The following PCDH15 variants were observed in gnomAD, a reference collection of about 807,000 sequenced individuals.
The protein encoded by PCDH15 is protocadherin related 15.
Under a neutral mutation model 178.5 loss-of-function variants are expected in PCDH15, and 129 were observed. The observed-to-expected ratio is 0.72, with a 90% CI of 0.63 to 0.84. The LOEUF (loss-of-function observed/expected upper bound fraction) is 0.84. PCDH15 is among the 40% of genes least tolerant of loss of function. The probability of loss-of-function intolerance (pLI) is 0.00; values close to 1 mark genes in which losing one functional copy is unlikely to be tolerated. For missense variants in PCDH15, 2,230 were observed against 2,099.9 expected (o/e 1.06, Z -1.21); for synonymous variants, 800 against 732.0 (o/e 1.09, Z -1.50).
intron 3 of PCDH15, among the ~76,000 whole-genome samples, chr10:54,401,690 T>G (rs1951954789): frequency 6.6e-6 from 1 of 151,910 alleles, no homozygotes; most frequent in African/African-American, 2.4e-5. Context: ...TTAAGGATGC[T>G]AAAATCTCCT....
At chr10:54,733,030 T>A (rs1280588719) in intron 1 of PCDH15, among the ~76,000 whole-genome samples, 1 of 151,600 alleles carries the variant, frequency 6.6e-6, no homozygotes. Context: ...TGATAGAGTT[T>A]GTCTACGAAA....
intron 1 of PCDH15, among the ~76,000 whole-genome samples, chr10:55,273,228 A>AT (rs915733620): frequency 1.4e-4 from 22 of 152,180 alleles, no homozygotes; most frequent in African/African-American, 5.3e-4. Context: ...CAATGACTTA[A>AT]TTTTTTTACA....
chr10:53,969,081 A>G (rs2089373867), intron 21 of PCDH15, among the ~76,000 whole-genome samples: 1 of 152,174 alleles, frequency 6.6e-6, no homozygotes, highest in East Asian at 1.9e-4. Flanking sequence ...GGATGTTTGA[A>G]CCCACCACAA....
At chr10:54,830,401 G>C (rs113803953) in intron 3 of PCDH15, among the ~76,000 whole-genome samples, 1 of 152,086 alleles carries the variant, frequency 6.6e-6, no homozygotes, top group African/African-American at 2.4e-5. Flanking sequence ...ATACTATGCC[G>C]CCATAAAAAA....
rs950142027 is a variant in PCDH15 at position 54,289,010 on chromosome 10, T to C, written c.876+28261A>G. ...CTGTCTGACGCTCTGAAGAGAGCAGTTGTTCTCCCAGCATGGCATTTGGGA... is the reference window on the plus strand; with the variant it reads ...CTGTCTGACGCTCTGAAGAGAGCAGCTGTTCTCCCAGCATGGCATTTGGGA... On this transcript the variant is annotated intron_variant, in intron 8 of 37. Transcript: ENST00000644397. Among the ~76,000 whole-genome samples, 5 of 152,374 alleles carry C rather than the reference T, an allele frequency of 3.3e-5. No individual in the cohort carries two copies. The South Asian group carries it at 6.2e-4, about 19-fold the overall frequency.
chr10:54,115,437 C>T (rs2095096578), intron 15 of PCDH15, among the ~76,000 whole-genome samples: 1 of 152,164 alleles, frequency 6.6e-6, no homozygotes, highest in South Asian at 2.1e-4. Flanking sequence ...GGGATTATTC[C>T]CTTATACATT....
intron 2 of PCDH15, among the ~76,000 whole-genome samples, chr10:54,645,593 G>C (rs1009984146): frequency 6.6e-6 from 1 of 152,106 alleles, no homozygotes; most frequent in Non-Finnish European, 1.5e-5. Flanking sequence ...TCAAAGACAA[G>C]ATGGACAGAA....
At chr10:54,797,026 T>C (rs1952097654) in intron 1 of PCDH15, among the ~76,000 whole-genome samples, 1 of 151,958 alleles carries the variant, frequency 6.6e-6, no homozygotes, top group South Asian at 2.1e-4. Context: ...AGGGAGAGCA[T>C]TCATTAGCTG....
At chr10:54,285,675 T>A (rs2058986766) in intron 8 of PCDH15, among the ~76,000 whole-genome samples, 1 of 152,096 alleles carries the variant, frequency 6.6e-6, no homozygotes, top group Non-Finnish European at 1.5e-5. Context: ...CCTCTAAAAA[T>A]TAACAATAGA....
At chr10:54,228,428 A>G (rs1467519375) in intron 9 of PCDH15, among the ~76,000 whole-genome samples, 1 of 152,016 alleles carries the variant, frequency 6.6e-6, no homozygotes, top group Non-Finnish European at 1.5e-5. Context: ...TTATTCAATT[A>G]CCTCCCACCT....
chr10:54,751,007 C>G (rs545266506), intron 1 of PCDH15, among the ~76,000 whole-genome samples: 16 of 151,986 alleles, frequency 1.1e-4, no homozygotes, highest in African/African-American at 3.6e-4. Context: ...TAAACAGATA[C>G]GTGTTAAAAG....
At chr10:53,878,581 C>T (rs1170550199) in intron 26 of PCDH15, among the ~76,000 whole-genome samples, 3 of 148,504 alleles carry the variant, frequency 2.0e-5, no homozygotes, top group Admixed American at 1.4e-4. Context: ...CTTAAATGAC[C>T]CCTTTTCTGA....
intron 1 of PCDH15, among the ~76,000 whole-genome samples, chr10:54,781,719 C>CTTTTCCCTG (rs1332028275): frequency 6.6e-6 from 1 of 151,940 alleles, no homozygotes; most frequent in Non-Finnish European, 1.5e-5. Flanking sequence ...TATCTTTTTT[C>CTTTTCCCTG]TTTTCCCTGG....
intron 8 of PCDH15, among the ~76,000 whole-genome samples, chr10:54,308,712 C>T (rs1180654694): frequency 1.3e-5 from 2 of 151,950 alleles, no homozygotes; most frequent in African/African-American, 2.4e-5. Flanking sequence ...TATACACATG[C>T]CATGGTGGTT....
chr10:54,398,259 A>T (rs984827907), intron 3 of PCDH15, among the ~76,000 whole-genome samples: 1 of 151,936 alleles, frequency 6.6e-6, no homozygotes, highest in Non-Finnish European at 1.5e-5. Flanking sequence ...AATTAAAAAA[A>T]CACTATGGAA....
At chr10:54,090,789 G>A (rs559653873) in intron 15 of PCDH15, among the ~76,000 whole-genome samples, 93 of 152,060 alleles carry the variant, frequency 6.1e-4, no homozygotes, top group African/African-American at 2.1e-3. Context: ...TGAATTTATA[G>A]CCACAAAGCA....
At chr10:55,334,221 CATATAT>C (rs34468887) in intron 2 of PCDH15, among the ~76,000 whole-genome samples, 944 of 62,822 alleles carry the variant, frequency 0.015, 28 homozygotes, top group East Asian at 0.069. Flanking sequence ...TAGGGTGCTC[CATATAT>C]ATATATATAT....
At chr10:54,620,024 T>G (rs1590595534) in intron 2 of PCDH15, among the ~76,000 whole-genome samples, 1 of 152,192 alleles carries the variant, frequency 6.6e-6, no homozygotes, top group East Asian at 1.9e-4. Flanking sequence ...ATGGGAAAAT[T>G]ATATAAAATT....
rs564917380 is a variant in PCDH15 at position 55,217,813 on chromosome 10, T to A, written c.-155-51162A>T. Among the ~76,000 whole-genome samples, 54 of 152,150 alleles carry A rather than the reference T, an allele frequency of 3.5e-4. 1 individual carries two copies. The highest frequency in any genetic ancestry group is 1.1e-3 in the African/African-American group (44 of 41,510). ...ACTTAGCTAATCAAATGGTATTTTATGTCTTAATCAAGGGGTGAACTGCTG... is the reference window on the plus strand; with the variant it reads ...ACTTAGCTAATCAAATGGTATTTTAAGTCTTAATCAAGGGGTGAACTGCTG... On this transcript the variant is annotated intron_variant, in intron 1 of 5. Coordinates refer to the PCDH15 transcript ENST00000458638.
Sources: allele counts gnomAD v4.1 joint callset (sites outside exome capture counted in the v4.1 genomes callset), GRCh38; gene constraint gnomAD v4.1.1; transcripts MANE v1.5; gene names NCBI Gene and HGNC (gene_info 2026-07-23, HGNC 2026-07-21).